Variants in SYT1 observed in about 807,000 individuals in gnomAD.
The protein encoded by SYT1 is synaptotagmin-1.
A neutral mutation model predicts 44.8 loss-of-function variants in SYT1; 8 were observed. The ratio of observed to expected loss-of-function variants is 0.18; its 90% CI spans 0.10 to 0.32. SYT1 has a LOEUF of 0.32. Ranked by LOEUF, SYT1 falls within the 10% of genes least tolerant of loss-of-function variation. The pLI, the probability that SYT1 is intolerant of heterozygous loss-of-function variation, is 1.00. For missense variants in SYT1, 286 were observed against 509.3 expected, an observed-to-expected ratio of 0.56 and a Z score of 4.22; for synonymous variants, 154 against 188.8, an observed-to-expected ratio of 0.82 and a Z score of 1.51.
chr12:79,094,217 A>T (rs907172485), intron 3 of SYT1, among the ~76,000 whole-genome samples: 35 of 151,920 alleles, frequency 2.3e-4, no homozygotes, highest in African/African-American at 7.7e-4. Context: ...TATATTATAA[A>T]TCATAATTAT....
chr12:79,171,519 T>G (rs1871522307), intron 3 of SYT1, among the ~76,000 whole-genome samples: 1 of 152,040 alleles, frequency 6.6e-6, no homozygotes, highest in South Asian at 2.1e-4. Flanking sequence ...AGAGGAAGAA[T>G]CATTTGGCTT....
intron 5 of SYT1, among the ~76,000 whole-genome samples, chr12:79,290,053 G>T (rs1162312108): frequency 6.6e-6 from 1 of 152,098 alleles, no homozygotes. Flanking sequence ...AAACAATGAA[G>T]CATAGATTAA....
At chr12:79,300,629 C>G (rs992850231) in intron 8 of SYT1, among the ~76,000 whole-genome samples, 1 of 151,814 alleles carries the variant, frequency 6.6e-6, no homozygotes, top group Non-Finnish European at 1.5e-5. Context: ...TTGAACTTTT[C>G]ACTCTAACAT....
At chr12:78,943,717 G>A (rs1238497719) in intron 1 of SYT1, among the ~76,000 whole-genome samples, 1 of 152,194 alleles carries the variant, frequency 6.6e-6, no homozygotes, top group Non-Finnish European at 1.5e-5. Flanking sequence ...TGGCAAAACA[G>A]ATTTTTAAGT....
intron 3 of SYT1, among the ~76,000 whole-genome samples, chr12:79,095,098 A>G (rs1373613517): frequency 6.6e-6 from 1 of 151,964 alleles, no homozygotes; most frequent in Non-Finnish European, 1.5e-5. Flanking sequence ...TAAAAAAGAC[A>G]ACAGTTGGTA....
At position 79,172,429 on chromosome 12, in the gene SYT1, T is replaced by C. The variant is rs756138037; in HGVS notation, c.-17-45074T>C. ...GAAAAATGTGAAGATGCTATCTGAA[T>C]AGTGATAAGATAATTTTATTGTCTA... On this transcript the variant is annotated intron_variant, in intron 3 of 10. Transcript: ENST00000261205. 3.9e-5 allele frequency among the ~76,000 whole-genome samples: 6 copies of C among 152,016 alleles called. 1 individual carries two copies. The highest frequency in any genetic ancestry group is 5.9e-5 in the Non-Finnish European group (4 of 67,936).
intron 2 of SYT1, among the ~76,000 whole-genome samples, chr12:78,996,224 G>A (rs1008556841): frequency 6.6e-6 from 1 of 152,144 alleles, no homozygotes; most frequent in African/African-American, 2.4e-5. Context: ...CATAAAAAGA[G>A]GTATTAATAG....
At position 79,231,088 on chromosome 12, in the gene SYT1, A is replaced by G. The variant is rs909010270; in HGVS notation, c.166+13403A>G. Among the ~76,000 whole-genome samples, 10 of 150,564 alleles carry G rather than the reference A, an allele frequency of 6.6e-5. No individual in the cohort carries two copies. The South Asian group carries it at 1.1e-3, about 16-fold the overall frequency. ...CTGCTGTTTCTCCTCACTCATGACT[A>G]TGTAGATCTCTTATTGCATTGCTGA... On this transcript the variant is annotated intron_variant, in intron 4 of 10. Coordinates refer to ENST00000261205, the MANE Select transcript of SYT1 (RefSeq NM_005639.3).
chr12:79,434,194 A>G (rs147282306), intron 9 of SYT1, among the ~76,000 whole-genome samples: 280 of 152,362 alleles, frequency 1.8e-3, no homozygotes, highest in African/African-American at 5.6e-3. Flanking sequence ...CTGTCTCATT[A>G]AAATGGAGTT....
At chr12:79,291,916 C>T (rs906160707) in intron 5 of SYT1, 92 bp from the exon 6 acceptor site, 14 of 1,489,426 alleles carry the variant, frequency 9.4e-6, no homozygotes, top group African/African-American at 6.9e-5. Flanking sequence ...GTGCTTGCTT[C>T]GAACAGCTTG....
intron 8 of SYT1, among the ~76,000 whole-genome samples, chr12:79,353,283 C>G (rs1040931472): frequency 2.6e-5 from 4 of 151,594 alleles, no homozygotes; most frequent in Non-Finnish European, 5.9e-5. Context: ...TATAGATGAT[C>G]TTTGTTAAAA....
chr12:79,179,386 C>CAATATAGATATATCCATATA (rs1565842032), intron 3 of SYT1, among the ~76,000 whole-genome samples: 3 of 59,396 alleles, frequency 5.1e-5, no homozygotes, highest in African/African-American at 1.6e-4. Context: ...ATAGATATAT[C>CAATATAGATATATCCATATA]GATATAGATA....
chr12:79,427,603 A>G (rs942402982), intron 9 of SYT1, among the ~76,000 whole-genome samples: 21 of 152,226 alleles, frequency 1.4e-4, no homozygotes, highest in African/African-American at 4.6e-4. Context: ...GGCATTTTAT[A>G]AGAATTATGA....
chr12:79,389,547 G>T (rs1884571008), intron 9 of SYT1, among the ~76,000 whole-genome samples: 1 of 152,178 alleles, frequency 6.6e-6, no homozygotes, highest in African/African-American at 2.4e-5. Context: ...TTATTTTACA[G>T]AGGAGGAAAC....
intron 3 of SYT1, among the ~76,000 whole-genome samples, chr12:79,139,131 C>T (rs956854266): frequency 2.0e-5 from 3 of 152,140 alleles, no homozygotes; most frequent in African/African-American, 4.8e-5. Context: ...AAGATGTCTG[C>T]GTCCTTAGTC....
Position 79,178,995 on chromosome 12 carries a change from G to T in SYT1, c.-17-38508G>T, listed in dbSNP as rs58450240. Reference sequence around the variant, plus strand: ...ATATAGATATAGATATATCTATATAGATATAGATATAGATATATAGATATA... The same window carrying T: ...ATATAGATATAGATATATCTATATATATATAGATATAGATATATAGATATA... On this transcript the variant is annotated intron_variant, in intron 3 of 10. Coordinates refer to ENST00000261205, the MANE Select transcript of SYT1 (RefSeq NM_005639.3). Among the ~76,000 whole-genome samples the T allele has an allele frequency of 8.0e-4, 30 of 37,570 alleles. 5 individuals are homozygous for T. The highest frequency in any genetic ancestry group is 1.9e-3 in the African/African-American group (17 of 8,820). The allele number at this position is 37,570 out of a possible 152,430, so 24.6% of individuals were successfully genotyped here.
intron 2 of SYT1, among the ~76,000 whole-genome samples, 153 bp from the exon 3 acceptor site, chr12:79,047,143 AC>A (rs1874129580): frequency 6.6e-6 from 1 of 151,710 alleles, no homozygotes. Flanking sequence ...TATTATATAT[AC>A]TAAATATGGA....
intron 1 of SYT1, among the ~76,000 whole-genome samples, chr12:78,903,574 C>T (rs1016292576): frequency 4.6e-5 from 7 of 151,932 alleles, no homozygotes; most frequent in Admixed American, 2.6e-4. Flanking sequence ...CGTGACCCAC[C>T]GCACCTGGAT....
At chr12:78,985,324 G>C (rs901917625) in intron 2 of SYT1, among the ~76,000 whole-genome samples, 7 of 151,818 alleles carry the variant, frequency 4.6e-5, no homozygotes, top group Non-Finnish European at 8.8e-5. Context: ...AATTTTCTAG[G>C]TGATAAGTTA....
Sources: gnomAD v4.1 joint callset for allele counts (sites outside exome capture counted in the v4.1 genomes callset) on GRCh38, gnomAD v4.1.1 for gene constraint, MANE v1.5 for transcripts, NCBI Gene and HGNC (gene_info 2026-07-23, HGNC 2026-07-21) for gene names.